NBEA: variants seen among roughly 807,000 people sequenced by gnomAD.
The protein encoded by NBEA is neurobeachin, also known as lysosomal-trafficking regulator 2.
A neutral mutation model predicts 343.4 loss-of-function variants in NBEA; 44 were observed. That is an observed-to-expected ratio of 0.13 (90% CI 0.10 to 0.16). NBEA has a LOEUF of 0.16. Ranked by LOEUF, NBEA falls within the 10% of genes least tolerant of loss-of-function variation. The pLI is 1.00. For missense variants in NBEA, 2,555 were observed against 3,631.3 expected (o/e 0.70, Z 7.62); for synonymous variants, 1,175 against 1,238.7 (o/e 0.95, Z 1.08).
intron 11 of NBEA, among the ~76,000 whole-genome samples, chr13:35,109,026 TTAGC>T: frequency 6.6e-6 from 1 of 152,266 alleles, no homozygotes; most frequent in East Asian, 1.9e-4. Flanking sequence ...TTTCATTTCT[TTAGC>T]TAATAGTAGA....
chr13:35,578,342 A>G (rs547257624), intron 45 of NBEA, among the ~76,000 whole-genome samples: 126 of 152,258 alleles, frequency 8.3e-4, no homozygotes, highest in Middle Eastern at 3.4e-3. Flanking sequence ...GGAATTAAGT[A>G]GGAAATTATG....
intron 45 of NBEA, among the ~76,000 whole-genome samples, chr13:35,578,300 T>A (rs1191266494): frequency 6.6e-6 from 1 of 152,160 alleles, no homozygotes; most frequent in Admixed American, 6.6e-5. Flanking sequence ...CCTGAATGTT[T>A]CCTTCCATTT....
At chr13:34,970,564 A>G (rs545359448) in intron 1 of NBEA, among the ~76,000 whole-genome samples, 1 of 152,204 alleles carries the variant, frequency 6.6e-6, no homozygotes, top group East Asian at 1.9e-4. Flanking sequence ...TGTATATGGT[A>G]AAAGGAAGGA....
chr13:35,407,214 C>T (rs191028486), intron 38 of NBEA, among the ~76,000 whole-genome samples: 1 of 151,996 alleles, frequency 6.6e-6, no homozygotes, highest in Non-Finnish European at 1.5e-5. Context: ...ATCCACCTGC[C>T]TCAGCCTCCC....
At chr13:35,088,533 T>C (rs569131120) in intron 10 of NBEA, among the ~76,000 whole-genome samples, 217 of 152,024 alleles carry the variant, frequency 1.4e-3, no homozygotes, top group Non-Finnish European at 2.2e-3. Context: ...TTAGTAGAAC[T>C]TAGTAAAAAT....
chr13:35,410,572 A>G (rs1020742570), intron 38 of NBEA, among the ~76,000 whole-genome samples: 2 of 152,138 alleles, frequency 1.3e-5, no homozygotes, highest in Non-Finnish European at 2.9e-5. Flanking sequence ...AAAGATAGGA[A>G]TAAAGACATA....
intron 40 of NBEA, among the ~76,000 whole-genome samples, chr13:35,457,937 A>G (rs78528607): frequency 0.13 from 19,886 of 152,282 alleles, 1,790 homozygotes; most frequent in Admixed American, 0.25. Context: ...CAGTTATTCC[A>G]TTGTATGGAT....
intron 1 of NBEA, among the ~76,000 whole-genome samples, chr13:35,021,535 C>T (rs2061838878): frequency 1.3e-5 from 2 of 151,882 alleles, no homozygotes; most frequent in African/African-American, 2.4e-5. Context: ...GTTTTTCTTT[C>T]TCCTTTTCCT....
intron 38 of NBEA, among the ~76,000 whole-genome samples, chr13:35,383,280 AAGGAC>A (rs1418924518): frequency 6.6e-6 from 1 of 152,178 alleles, no homozygotes; most frequent in Non-Finnish European, 1.5e-5. Context: ...TTGAGAATAG[AAGGAC>A]GTATATTATC....
intron 36 of NBEA, among the ~76,000 whole-genome samples, chr13:35,319,421 T>C (rs761099330): frequency 5.3e-5 from 8 of 152,210 alleles, no homozygotes. Flanking sequence ...GTGAGTTTCT[T>C]AATCCTGAGT....
At chr13:35,282,596 G>T (rs1393794649) in intron 34 of NBEA, among the ~76,000 whole-genome samples, 1 of 152,098 alleles carries the variant, frequency 6.6e-6, no homozygotes, top group East Asian at 1.9e-4. Context: ...TAGCGAAAAT[G>T]TCTCTTATTT....
intron 45 of NBEA, among the ~76,000 whole-genome samples, chr13:35,582,618 G>A (rs143351996): frequency 6.6e-5 from 10 of 152,192 alleles, no homozygotes; most frequent in African/African-American, 1.7e-4. Context: ...ACTTTTGTGC[G>A]TGAAAAATAC....
At chr13:35,602,852 A>G (rs892938736) in intron 47 of NBEA, among the ~76,000 whole-genome samples, 1 of 152,116 alleles carries the variant, frequency 6.6e-6, no homozygotes, top group African/African-American at 2.4e-5. Flanking sequence ...ATCAAGACAG[A>G]TCTTTCTAGG....
At chr13:35,306,882 A>AT (rs2036925478) in intron 35 of NBEA, among the ~76,000 whole-genome samples, 1 of 152,022 alleles carries the variant, frequency 6.6e-6, no homozygotes, top group Non-Finnish European at 1.5e-5. Context: ...CAGCCTAGAT[A>AT]TTTGATCCTC....
chr13:35,327,116 T>TA (rs1420622006), intron 36 of NBEA, among the ~76,000 whole-genome samples: 1 of 151,562 alleles, frequency 6.6e-6, no homozygotes, highest in Non-Finnish European at 1.5e-5. Context: ...TATTATAAAA[T>TA]AAAAAAGCAG....
chr13:35,146,018 T>C (rs946264894), intron 18 of NBEA, among the ~76,000 whole-genome samples: 2 of 152,330 alleles, frequency 1.3e-5, no homozygotes, highest in East Asian at 3.9e-4. Flanking sequence ...TTTAAAGAGA[T>C]GATCACTAGC....
At position 35,342,316 on chromosome 13, in the gene NBEA, C is replaced by A. The variant is rs138022811; in HGVS notation, c.5904-6792C>A. Among the ~76,000 whole-genome samples the A allele has an allele frequency of 7.8e-3, 1,191 of 152,156 alleles. 20 individuals are homozygous for A. The highest frequency in any genetic ancestry group is 0.027 in the African/African-American group (1,141 of 41,564). On this transcript the variant is annotated intron_variant, in intron 36 of 58. Coordinates refer to ENST00000379939, the MANE Select transcript of NBEA (RefSeq NM_001385012.1). ...ATAGTGAGTATACTAAAAACCACTA[C>A]AGTGTACATTTTTAAATGGAGAGGA...
intron 10 of NBEA, among the ~76,000 whole-genome samples, chr13:35,082,762 GTTGT>G (rs1343353338): frequency 2.6e-5 from 4 of 152,082 alleles, no homozygotes; most frequent in East Asian, 3.8e-4. Context: ...TTTTGATGGG[GTTGT>G]TTGTTTTTTT....
At chr13:35,594,992 A>C (rs35121696) in intron 47 of NBEA, among the ~76,000 whole-genome samples, 5,398 of 130,548 alleles carry the variant, frequency 0.041, 137 homozygotes, top group Non-Finnish European at 0.052. Flanking sequence ...CACACACACA[A>C]ATTGGCTTTT....
Sources: allele counts gnomAD v4.1 joint callset (sites outside exome capture counted in the v4.1 genomes callset), GRCh38; gene constraint gnomAD v4.1.1; transcripts MANE v1.5; gene names NCBI Gene and HGNC (gene_info 2026-07-23, HGNC 2026-07-21).